Variants in GRAMD2B observed in about 807,000 individuals in gnomAD.
GRAMD2B encodes the protein GRAM domain-containing protein 2B.
Under a neutral mutation model 59.2 loss-of-function variants are expected in GRAMD2B, and 41 were observed. The ratio of observed to expected loss-of-function variants is 0.69; its 90% CI spans 0.54 to 0.90. The LOEUF is 0.90. Among genes scored for constraint, GRAMD2B ranks in the 40% least tolerant of loss-of-function variants. The pLI is 0.00. For synonymous variants in GRAMD2B, 161 were observed against 182.7 expected (o/e 0.88, Z 0.96); for missense variants, 424 against 500.5 (o/e 0.85, Z 1.46).
Position 126,455,426 on chromosome 5 carries a change from G to GA in GRAMD2B, c.84-9990dup, listed in dbSNP as rs375783236. ...GCTTCTTCCTGCTGCCTGTACTTCA[G>GA]AAAAAAAAAACAAACTGTTGGATTT... On this transcript the variant is annotated intron_variant, in intron 1 of 13. Transcript: ENST00000285689. Among the ~76,000 whole-genome samples the GA allele has an allele frequency of 1.3e-3, 186 of 147,034 alleles. 1 individual carries two copies. Among genetic ancestry groups the GA allele is most frequent in the Middle Eastern group, 6.9e-3 (2 of 288 alleles).
intron 1 of GRAMD2B, among the ~76,000 whole-genome samples, chr5:126,372,139 C>T (rs1256361973): frequency 6.6e-6 from 1 of 152,164 alleles, no homozygotes; most frequent in Non-Finnish European, 1.5e-5. Flanking sequence ...TTAATATCCA[C>T]ATCAACACCA....
chr5:126,434,468 A>G (rs1762070199), intron 1 of GRAMD2B, among the ~76,000 whole-genome samples: 1 of 152,052 alleles, frequency 6.6e-6, no homozygotes, highest in South Asian at 2.1e-4. Flanking sequence ...CACTGTCTAC[A>G]AGACACTATT....
chr5:126,398,533 A>G (rs1309620685), intron 1 of GRAMD2B, among the ~76,000 whole-genome samples: 3 of 151,606 alleles, frequency 2.0e-5, no homozygotes, highest in East Asian at 3.9e-4. Context: ...TTACTCTGTC[A>G]ATTTTGTTTA....
chr5:126,390,808 G>A (rs1248420844), intron 1 of GRAMD2B, among the ~76,000 whole-genome samples: 2 of 152,048 alleles, frequency 1.3e-5, no homozygotes, highest in Non-Finnish European at 2.9e-5. Flanking sequence ...TTCACAAATA[G>A]GCTAATTTAA....
At chr5:126,471,777 A>T (rs1769632908) in intron 3 of GRAMD2B, among the ~76,000 whole-genome samples, 1 of 152,212 alleles carries the variant, frequency 6.6e-6, no homozygotes, top group Non-Finnish European at 1.5e-5. Context: ...AGATTAAGTG[A>T]CTAAGCCATG....
At chr5:126,361,603 C>T (rs1209285286) in intron 1 of GRAMD2B, among the ~76,000 whole-genome samples, 1 of 152,000 alleles carries the variant, frequency 6.6e-6, no homozygotes, top group Non-Finnish European at 1.5e-5. Context: ...ATTCCCTCTG[C>T]TCCTCATCTT....
At chr5:126,455,735 G>A (rs1005250879) in intron 1 of GRAMD2B, among the ~76,000 whole-genome samples, 12 of 152,004 alleles carry the variant, frequency 7.9e-5, no homozygotes, top group Admixed American at 2.0e-4. Flanking sequence ...CTAGTTTCTC[G>A]TACTGAAATA....
rs927654443 is a variant in GRAMD2B, at chr5:126,423,648, G to A, written c.42G>A (p.Ala14=). The change falls in exon 1 of 14, where the codon GCG becomes GCA. Residue 14 remains alanine, a synonymous_variant. Coordinates refer to ENST00000285689, the MANE Select transcript of GRAMD2B (RefSeq NM_023927.4). ...LQQDVEDTKP[A]KVLGKRESKL... ...AAGATGTGGAAGACACAAAGCCTGCGAAAGTGCTCGGGAAGAGGGAGAGCA... is the reference window on the plus strand; with the variant it reads ...AAGATGTGGAAGACACAAAGCCTGCAAAAGTGCTCGGGAAGAGGGAGAGCA... The A allele has an allele frequency of 1.2e-6, 2 of 1,608,860 alleles. No individual in the cohort carries two copies. Among genetic ancestry groups the A allele is most frequent in the African/African-American group, 2.7e-5 (2 of 74,392 alleles).
Position 126,484,543 on chromosome 5 carries a change from AG to A in GRAMD2B, c.970+25del. 1 of 1,596,404 alleles carries A rather than the reference AG, an allele frequency of 6.3e-7. No homozygotes were observed. Among genetic ancestry groups the A allele is most frequent in the Admixed American group, 1.8e-5 (1 of 55,904 alleles). On this transcript the variant is annotated intron_variant, in intron 10 of 13. Coordinates refer to ENST00000285689, the MANE Select transcript of GRAMD2B (RefSeq NM_023927.4). ...GTACAGGGTAAGGAATGGATGTCTC[AG>A]GGGGGTGGGTTTAGAAGGATTGGAG...
At chr5:126,382,752 G>A (rs1755767006) in intron 1 of GRAMD2B, among the ~76,000 whole-genome samples, 1 of 151,952 alleles carries the variant, frequency 6.6e-6, no homozygotes, top group South Asian at 2.1e-4. Context: ...ATCTTTTGGG[G>A]GTGTTAAAAA....
chr5:126,473,279 C>G lies in GRAMD2B; in HGVS notation c.397C>G (p.Leu133Val), dbSNP rs1243735395. 2 of 1,429,130 alleles carry G rather than the reference C, an allele frequency of 1.4e-6. No homozygotes were observed. Among genetic ancestry groups the G allele is most frequent in the Non-Finnish European group, 1.9e-6 (2 of 1,053,606 alleles). 88.5% of individuals were successfully genotyped at this position (1,429,130 alleles called of 1,614,324 possible). Reference protein sequence around the residue: ...EPLKQSFTCALQKEILYQGKL... With the variant: ...EPLKQSFTCAVQKEILYQGKL... ...TATTTTCCCAGGCTTTACCTGTGCT[C>G]TACAGAAAGAAATACTATACCAAGG... is the stretch of plus-strand genomic sequence containing the variant. The change falls in exon 5 of 14, where the codon CTA becomes GTA. Residue 133 changes from leucine (L) to valine (V), a missense_variant. Transcript: ENST00000285689.
At chr5:126,404,912 C>T (rs748429916) in intron 1 of GRAMD2B, among the ~76,000 whole-genome samples, 2 of 151,872 alleles carry the variant, frequency 1.3e-5, no homozygotes, top group Non-Finnish European at 2.9e-5. Context: ...CAGGTCACAT[C>T]CCATTCTAAA....
intron 5 of GRAMD2B, among the ~76,000 whole-genome samples, chr5:126,474,733 A>C (rs907884110): frequency 2.0e-5 from 3 of 152,208 alleles, no homozygotes; most frequent in African/African-American, 7.2e-5. Context: ...TTTCAAGCTA[A>C]TCTGACTCTA....
At chr5:126,484,545 G>C (rs560794613) in intron 10 of GRAMD2B, 21 bp downstream of exon 10, 16 of 1,596,828 alleles carry the variant, frequency 1.0e-5, no homozygotes, top group South Asian at 3.4e-5. Flanking sequence ...GATGTCTCAG[G>C]GGGGTGGGTT....
chr5:126,450,383 T>G (rs548638445), intron 1 of GRAMD2B, among the ~76,000 whole-genome samples: 1 of 151,336 alleles, frequency 6.6e-6, no homozygotes, highest in Non-Finnish European at 1.5e-5. Context: ...GCATAATATA[T>G]TCTCTCTCTC....
intron 3 of GRAMD2B, 35 bp downstream of exon 3, chr5:126,469,823 G>A: frequency 6.7e-7 from 1 of 1,483,528 alleles, no homozygotes; most frequent in Non-Finnish European, 9.4e-7. Context: ...TGTCTTAGAG[G>A]GTGACAGGGC....
chr5:126,414,785 G>T (rs559615696), intron 1 of GRAMD2B, among the ~76,000 whole-genome samples: 1 of 152,070 alleles, frequency 6.6e-6, no homozygotes, highest in African/African-American at 2.4e-5. Context: ...GCTTTTAAAC[G>T]TAGAAGCTAA....
chr5:126,482,537 T>G (rs1581252630), intron 8 of GRAMD2B, among the ~76,000 whole-genome samples: 1 of 152,336 alleles, frequency 6.6e-6, no homozygotes, highest in South Asian at 2.1e-4. Context: ...GATGTGGCTG[T>G]GAAGATTAAA....
intron 1 of GRAMD2B, among the ~76,000 whole-genome samples, chr5:126,397,298 C>T (rs547158295): frequency 5.2e-4 from 79 of 152,286 alleles, no homozygotes; most frequent in Admixed American, 1.9e-3. Flanking sequence ...GATCTTGGCT[C>T]ACTGCAACCT....
Sources: gnomAD v4.1 joint callset for allele counts (sites outside exome capture counted in the v4.1 genomes callset) on GRCh38, gnomAD v4.1.1 for gene constraint, MANE v1.5 for transcripts, NCBI Gene and HGNC (gene_info 2026-07-23, HGNC 2026-07-21) for gene names.